PPP1CB: variants seen among roughly 807,000 people sequenced by gnomAD.
PPP1CB encodes the protein protein phosphatase 1 catalytic subunit beta, also known as serine/threonine-protein phosphatase PP1-beta catalytic subunit.
A neutral mutation model predicts 43.7 loss-of-function variants in PPP1CB; 2 were observed. That is an observed-to-expected ratio of 0.05 (90% CI 0.02 to 0.14). The LOEUF (loss-of-function observed/expected upper bound fraction) is 0.14, where lower values mean the gene tolerates loss of function less well. PPP1CB is among the 10% of genes least tolerant of loss of function. The pLI is 1.00. For synonymous variants in PPP1CB, 136 were observed against 135.6 expected (o/e 1.00, Z -0.02); for missense variants, 84 against 398.0 (o/e 0.21, Z 6.71).
At chr2:28,785,917 G>A (rs149805031) in intron 5 of PPP1CB, among the ~76,000 whole-genome samples, 108 of 152,172 alleles carry the variant, frequency 7.1e-4, no homozygotes, top group African/African-American at 2.6e-3. Context: ...CTGATCTAGT[G>A]TGATATGCTA....
chr2:28,786,774 CAAAA>C (rs70956040), intron 5 of PPP1CB, among the ~76,000 whole-genome samples: 17 of 94,902 alleles, frequency 1.8e-4, no homozygotes, highest in African/African-American at 3.7e-4. Context: ...GACTCCGTCT[CAAAA>C]AAAAAAAAAA....
intron 1 of PPP1CB, among the ~76,000 whole-genome samples, chr2:28,756,668 G>C (rs1281946993): frequency 6.6e-6 from 1 of 152,142 alleles, no homozygotes; most frequent in Non-Finnish European, 1.5e-5. Context: ...TATTTTGGTA[G>C]AGACGGGGTC....
In PPP1CB at chr2:28,752,681, C is replaced by T. The variant is rs113265088; in HGVS notation, c.52+505C>T. On this transcript the variant is annotated intron_variant, in intron 1 of 7. Transcript: ENST00000395366. ...AAACCTGTCCTTAACAGGACTGCTT[C>T]GTCTGCTCTGCATTTTTACACAATG... 5.2e-3 allele frequency among the ~76,000 whole-genome samples: 789 copies of T among 152,294 alleles called. 9 individuals carry two copies. The highest frequency in any genetic ancestry group is 0.018 in the African/African-American group (750 of 41,546).
chr2:28,752,594 G>C (rs1355796486), intron 1 of PPP1CB, among the ~76,000 whole-genome samples: 3 of 152,180 alleles, frequency 2.0e-5, no homozygotes, highest in Admixed American at 6.5e-5. Flanking sequence ...TGTTCTCTTT[G>C]TGCATTGCCC....
intron 5 of PPP1CB, among the ~76,000 whole-genome samples, chr2:28,786,018 G>A (rs1056285367): frequency 1.3e-5 from 2 of 152,082 alleles, no homozygotes; most frequent in Admixed American, 6.6e-5. Flanking sequence ...ATCTTTGATA[G>A]TGTCTGCAAC....
chr2:28,776,737 G>A (rs1667052611), intron 1 of PPP1CB, 114 bp from the exon 2 acceptor site: 1 of 863,790 alleles, frequency 1.2e-6, no homozygotes, highest in Non-Finnish European at 1.8e-6. Context: ...ACCAAATAGG[G>A]TAATTTGCTG....
rs1011005557 is a variant in PPP1CB at position 28,757,344 on chromosome 2, T to G, written c.52+5168T>G. 2.0e-5 allele frequency among the ~76,000 whole-genome samples: 3 copies of G among 152,220 alleles called. No homozygotes were observed. The East Asian group carries it at 5.8e-4, about 29-fold the overall frequency. On this transcript the variant is annotated intron_variant, in intron 1 of 7. Coordinates refer to ENST00000395366, the MANE Select transcript of PPP1CB (RefSeq NM_002709.3). Reference sequence around the variant, plus strand: ...TGTAGTGCTGCTATCAACATTTGTGTAGAAGTTTTTTTTTGTGGGCATATA... The same window carrying G: ...TGTAGTGCTGCTATCAACATTTGTGGAGAAGTTTTTTTTTGTGGGCATATA...
intron 1 of PPP1CB, among the ~76,000 whole-genome samples, chr2:28,762,256 G>T (rs1301650523): frequency 6.6e-6 from 1 of 151,798 alleles, no homozygotes; most frequent in Non-Finnish European, 1.5e-5. Flanking sequence ...CTGCACTCCA[G>T]CCTGGGCGAC....
intron 5 of PPP1CB, among the ~76,000 whole-genome samples, chr2:28,787,561 T>G (rs879836414): frequency 3.9e-5 from 6 of 152,234 alleles, no homozygotes; most frequent in Admixed American, 3.9e-4. Flanking sequence ...CAGTTGGACT[T>G]TTACCCACTC....
At chr2:28,754,522 C>G (rs1666435326) in intron 1 of PPP1CB, among the ~76,000 whole-genome samples, 1 of 152,180 alleles carries the variant, frequency 6.6e-6, no homozygotes. Context: ...AGCCTCCTCT[C>G]TGTCCTATGT....
intron 1 of PPP1CB, among the ~76,000 whole-genome samples, chr2:28,763,352 C>T (rs749536355): frequency 1.3e-5 from 2 of 152,126 alleles, no homozygotes; most frequent in African/African-American, 4.8e-5. Context: ...TGACTGACTA[C>T]CAGTGGGGTT....
chr2:28,794,294 A>G (rs1667449487), intron 7 of PPP1CB, among the ~76,000 whole-genome samples: 1 of 152,230 alleles, frequency 6.6e-6, no homozygotes, highest in African/African-American at 2.4e-5. Flanking sequence ...TACTAAAAGA[A>G]TGTGAATGTA....
intron 5 of PPP1CB, among the ~76,000 whole-genome samples, chr2:28,785,064 G>GTTTTTT (rs1558307639): frequency 1.1e-5 from 1 of 93,796 alleles, no homozygotes; most frequent in Non-Finnish European, 2.3e-5. Context: ...TGTGTTAGGA[G>GTTTTTT]CTTTTTTTTT....
intron 4 of PPP1CB, 182 bp downstream of exon 4, chr2:28,782,024 G>A (rs1172788713): frequency 2.5e-5 from 16 of 638,858 alleles, no homozygotes; most frequent in South Asian, 1.6e-4. Flanking sequence ...AAATGAAAAC[G>A]TAATGCTTCT....
chr2:28,767,626 A>G (rs1666807442), intron 1 of PPP1CB, among the ~76,000 whole-genome samples: 1 of 152,206 alleles, frequency 6.6e-6, no homozygotes, highest in Non-Finnish European at 1.5e-5. Flanking sequence ...AGAGTACCAT[A>G]TGTAGTCCAT....
chr2:28,773,978 A>G (rs967612393), intron 1 of PPP1CB, among the ~76,000 whole-genome samples: 1 of 152,210 alleles, frequency 6.6e-6, no homozygotes, highest in African/African-American at 2.4e-5. Flanking sequence ...CAGAGATATT[A>G]GTTAAGGGAG....
rs1270335686 is a variant in PPP1CB at position 28,801,774 on chromosome 2, CAGT to C, written c.*2474_*2476del. 1.3e-5 allele frequency: 2 copies of C among 152,032 alleles called. No homozygotes were observed. Among genetic ancestry groups the C allele is most frequent in the African/African-American group, 4.8e-5 (2 of 41,394 alleles). The allele number at this position is 152,032 out of a possible 1,614,324, so 9.4% of individuals were successfully genotyped here. ...TATGACATTCAGAAATCATGAAACA[CAGT>C]AGATATCTGTTATAATGTGGTGTAT... On this transcript the variant is annotated 3_prime_UTR_variant, in exon 8 of 8. Coordinates refer to ENST00000395366, the MANE Select transcript of PPP1CB (RefSeq NM_002709.3).
At chr2:28,786,939 A>G (rs1023010520) in intron 5 of PPP1CB, among the ~76,000 whole-genome samples, 3 of 152,128 alleles carry the variant, frequency 2.0e-5, no homozygotes, top group Non-Finnish European at 4.4e-5. Context: ...TGACTATTCC[A>G]GTGGATTTTG....
chr2:28,755,885 A>G (rs973860424), intron 1 of PPP1CB, among the ~76,000 whole-genome samples: 5 of 152,190 alleles, frequency 3.3e-5, no homozygotes, highest in African/African-American at 4.8e-5. Context: ...TGTGTCATAT[A>G]TGTGATAATA....
Sources: gnomAD v4.1 joint callset for allele counts (sites outside exome capture counted in the v4.1 genomes callset) on GRCh38, gnomAD v4.1.1 for gene constraint, MANE v1.5 for transcripts, NCBI Gene and HGNC (gene_info 2026-07-23, HGNC 2026-07-21) for gene names.